NF2: variants seen among roughly 807,000 people sequenced by gnomAD.
NF2 encodes merlin.
Under a neutral mutation model 83.7 loss-of-function variants are expected in NF2, and 8 were observed. The ratio of observed to expected loss-of-function variants is 0.10; its 90% confidence interval spans 0.06 to 0.17. The LOEUF is 0.17. Ranked by LOEUF, NF2 falls within the 10% of genes least tolerant of loss-of-function variation. The pLI, the probability that NF2 is intolerant of heterozygous loss-of-function variation, is 1.00. For synonymous variants in NF2, 266 were observed against 269.6 expected, an observed-to-expected ratio of 0.99 and a Z score of 0.13; for missense variants, 533 against 744.4, an observed-to-expected ratio of 0.72 and a Z score of 3.31.
intron 10 of NF2, among the ~76,000 whole-genome samples, chr22:29,670,248 T>G (rs1307728164): frequency 6.6e-6 from 1 of 152,162 alleles, no homozygotes; most frequent in Non-Finnish European, 1.5e-5. Context: ...TCCTCCTACT[T>G]CAGCCCCCCA....
At chr22:29,683,398 TTGG>T in intron 15 of NF2, 1 of 1,311,652 alleles carries the variant, frequency 7.6e-7, no homozygotes, top group Non-Finnish European at 9.8e-7. Context: ...GTCCTTTGTC[TTGG>T]TGGCATACTC....
At chr22:29,610,600 C>T (rs1251114596) in intron 1 of NF2, among the ~76,000 whole-genome samples, 18 of 150,240 alleles carry the variant, frequency 1.2e-4, no homozygotes, top group African/African-American at 3.2e-4. Context: ...GCTGAGATTG[C>T]GCCACTGCAC....
At chr22:29,671,117 G>T (rs2066770465) in intron 10 of NF2, among the ~76,000 whole-genome samples, 1 of 152,178 alleles carries the variant, frequency 6.6e-6, no homozygotes. Flanking sequence ...TATTTCTGGG[G>T]CTCTATCTGA....
Position 29,604,446 on chromosome 22 carries a change from G to GT in NF2, c.114+335dup, listed in dbSNP as rs147717202. On this transcript the variant is annotated intron_variant, in intron 1 of 15. Coordinates refer to ENST00000338641, the MANE Select transcript of NF2 (RefSeq NM_000268.4). ...TTAGGTAATATTGTTATGTACCCAG[G>GT]TATTAGAAGTTGCGTCTTGTTTATT... 0.015 allele frequency among the ~76,000 whole-genome samples: 2,326 copies of GT among 152,248 alleles called. 51 individuals are homozygous for GT. Among genetic ancestry groups the GT allele is most frequent in the African/African-American group, 0.053 (2,188 of 41,522 alleles).
chr22:29,686,050 A>C (rs1310000198), intron 15 of NF2, among the ~76,000 whole-genome samples: 2 of 152,176 alleles, frequency 1.3e-5, no homozygotes, highest in African/African-American at 4.8e-5. Flanking sequence ...AAAAAGGATG[A>C]ATTCTTACTC....
At chr22:29,665,122 ACTT>A (rs1352915198) in intron 9 of NF2, 58 bp downstream of exon 9, 1 of 1,284,176 alleles carries the variant, frequency 7.8e-7, no homozygotes, top group African/African-American at 1.5e-5. Context: ...AGAATTGAAT[ACTT>A]CTTTTTAAAG....
At chr22:29,619,822 G>T (rs932814044) in intron 1 of NF2, among the ~76,000 whole-genome samples, 3 of 152,188 alleles carry the variant, frequency 2.0e-5, no homozygotes, top group Non-Finnish European at 2.9e-5. Context: ...ATGCTGGCTA[G>T]TGCTGCCCTC....
At chr22:29,690,141 T>G (rs1165005730) in intron 15 of NF2, among the ~76,000 whole-genome samples, 1 of 152,216 alleles carries the variant, frequency 6.6e-6, no homozygotes, top group Non-Finnish European at 1.5e-5. Flanking sequence ...CTGGGGCCAT[T>G]TCTCAGAAGT....
In NF2 at chr22:29,681,473, G is replaced by A; in HGVS notation, c.1609G>A (p.Glu537Lys). The A allele has an allele frequency of 6.2e-7, 1 of 1,614,166 alleles. No homozygotes were observed. The highest frequency in any genetic ancestry group is 8.5e-7 in the Non-Finnish European group (1 of 1,180,044). The change falls in exon 15 of 16, where the codon GAG becomes AAG. Residue 537 changes from glutamate (E) to lysine (K), a missense_variant. By Grantham distance (56) the Glu-to-Lys change is moderately conservative. Transcript: ENST00000338641. ...EYMEKSKHLQ[E>K]QLNELKTEIE... Reference sequence around the variant, plus strand: ...CATGGAAAAGAGCAAGCATCTGCAGGAGCAGCTCAATGAACTCAAGACAGA... The same window carrying A: ...CATGGAAAAGAGCAAGCATCTGCAGAAGCAGCTCAATGAACTCAAGACAGA...
intron 8 of NF2, among the ~76,000 whole-genome samples, chr22:29,662,365 C>T (rs572312619): frequency 3.3e-5 from 5 of 152,114 alleles, no homozygotes; most frequent in African/African-American, 1.2e-4. Flanking sequence ...TGGGCTTGAG[C>T]AATCCTCCCA....
chr22:29,664,850 G>A, intron 8 of NF2, 140 bp from the exon 9 acceptor site: 1 of 726,732 alleles, frequency 1.4e-6, no homozygotes, highest in Non-Finnish European at 2.5e-6. Context: ...GAGGTTTAGT[G>A]CCTGGATACT....
At position 29,667,935 on chromosome 22, in the gene NF2, A is replaced by G. The variant is rs12628907; in HGVS notation, c.886-398A>G. Among the ~76,000 whole-genome samples, 3,625 of 152,136 alleles carry G rather than the reference A, an allele frequency of 0.024. 352 individuals are homozygous for G. The East Asian group carries it at 0.34, about 14-fold the overall frequency. Reference sequence around the variant, plus strand: ...TCCTTCTGGAGTTGATTTTTGTGTAAGGTGTAAGGGAGGGATACAACTTAT... The same window carrying G: ...TCCTTCTGGAGTTGATTTTTGTGTAGGGTGTAAGGGAGGGATACAACTTAT... On this transcript the variant is annotated intron_variant, in intron 9 of 15. Coordinates refer to ENST00000338641, the MANE Select transcript of NF2 (RefSeq NM_000268.4).
chr22:29,691,021 A>C (rs2067389878), intron 15 of NF2, among the ~76,000 whole-genome samples: 1 of 152,246 alleles, frequency 6.6e-6, no homozygotes, highest in South Asian at 2.1e-4. Context: ...ATTCAAAGGC[A>C]GTTGACCAGA....
In NF2 at chr22:29,655,867, G is replaced by A. The variant is rs919467826; in HGVS notation, c.599+191G>A. Among the ~76,000 whole-genome samples, 15 of 151,988 alleles carry A rather than the reference G, an allele frequency of 9.9e-5. No homozygotes were observed. The South Asian group carries it at 1.2e-3, about 13-fold the overall frequency. On this transcript the variant is annotated intron_variant, in intron 6 of 15. Transcript: ENST00000338641. ...TTTTGTGTGTGTCCTTTTCTAGTACGTATGACATAAAGTAGGTATGTGTAC... is the reference window on the plus strand; with the variant it reads ...TTTTGTGTGTGTCCTTTTCTAGTACATATGACATAAAGTAGGTATGTGTAC...
intron 1 of NF2, among the ~76,000 whole-genome samples, chr22:29,629,158 T>C (rs546736607): frequency 6.6e-6 from 1 of 152,308 alleles, no homozygotes; most frequent in East Asian, 1.9e-4. Flanking sequence ...TCCTTTAATT[T>C]TGAAAGGAAA....
intron 15 of NF2, among the ~76,000 whole-genome samples, chr22:29,682,241 A>C (rs977170877): frequency 6.6e-6 from 1 of 152,130 alleles, no homozygotes; most frequent in African/African-American, 2.4e-5. Context: ...GGGTCCTCTC[A>C]TACCAAATAA....
intron 4 of NF2, among the ~76,000 whole-genome samples, chr22:29,643,443 C>T (rs1336675739): frequency 2.0e-5 from 3 of 152,134 alleles, no homozygotes; most frequent in South Asian, 4.1e-4. Flanking sequence ...TGCGGACTTC[C>T]GCAGCGTTTG....
Position 29,663,669 on chromosome 22 carries a change from T to C in NF2, c.811-1321T>C, listed in dbSNP as rs117968254. Among the ~76,000 whole-genome samples, 29 of 152,358 alleles carry C rather than the reference T, an allele frequency of 1.9e-4. No individual in the cohort carries two copies. In the East Asian group the frequency reaches 5.6e-3, roughly 29 times the overall value. On this transcript the variant is annotated intron_variant, in intron 8 of 15. Coordinates refer to ENST00000338641, the MANE Select transcript of NF2 (RefSeq NM_000268.4). ...AGAGCAACACTGCTTCTAAGTTAAC[T>C]TGGCTGAAAGCTAAACAAAGGATCA...
chr22:29,615,149 A>G (rs1483436975), intron 1 of NF2, among the ~76,000 whole-genome samples: 1 of 152,194 alleles, frequency 6.6e-6, no homozygotes, highest in African/African-American at 2.4e-5. Flanking sequence ...GTGCTACTGC[A>G]CTCCAACCTG....
Sources: gnomAD v4.1 joint callset for allele counts (sites outside exome capture counted in the v4.1 genomes callset) on GRCh38, gnomAD v4.1.1 for gene constraint, MANE v1.5 for transcripts, NCBI Gene and HGNC (gene_info 2026-07-23, HGNC 2026-07-21) for gene names.